The following USP34 variants were observed in gnomAD, a reference collection of about 807,000 sequenced individuals.
USP34 encodes the protein ubiquitin specific peptidase 34, also known as ubiquitin carboxyl-terminal hydrolase 34.
Under a neutral mutation model 460.3 loss-of-function variants are expected in USP34, and 70 were observed. The ratio of observed to expected loss-of-function variants is 0.15; its 90% CI spans 0.13 to 0.19. USP34 has a LOEUF of 0.19. Among genes scored for constraint, USP34 ranks in the 10% least tolerant of loss-of-function variants. The pLI, the probability that USP34 is intolerant of heterozygous loss-of-function variation, is 1.00. For missense variants in USP34, 3,985 were observed against 4,236.2 expected (o/e 0.94, Z 1.65); for synonymous variants, 1,647 against 1,405.3 (o/e 1.17, Z -3.85).
chr2:61,206,687 G>A, intron 71 of USP34, 73 bp downstream of exon 71: 1 of 1,548,860 alleles, frequency 6.5e-7, no homozygotes. Flanking sequence ...TTTCTCTGGG[G>A]CACATGATTT....
At chr2:61,324,173 A>C (rs1398883510) in intron 21 of USP34, among the ~76,000 whole-genome samples, 1 of 152,216 alleles carries the variant, frequency 6.6e-6, no homozygotes, top group African/African-American at 2.4e-5. Flanking sequence ...GATGACAGTC[A>C]GTATATGAAG....
intron 10 of USP34, among the ~76,000 whole-genome samples, chr2:61,355,744 C>T (rs1200204611): frequency 6.6e-6 from 1 of 152,022 alleles, no homozygotes; most frequent in African/African-American, 2.4e-5. Context: ...CAAAATAACA[C>T]AAGTTTGTCC....
At chr2:61,218,543 A>G (rs1222269271) in intron 67 of USP34, among the ~76,000 whole-genome samples, 1 of 150,916 alleles carries the variant, frequency 6.6e-6, no homozygotes, top group Non-Finnish European at 1.5e-5. Flanking sequence ...CAAACTCTCC[A>G]CTTTAGATTT....
At chr2:61,390,212 T>C (rs190445127) in intron 5 of USP34, among the ~76,000 whole-genome samples, 6 of 152,330 alleles carry the variant, frequency 3.9e-5, no homozygotes, top group Non-Finnish European at 7.4e-5. Flanking sequence ...CATAATAAAA[T>C]AAACCCCTTG....
chr2:61,468,353 T>C (rs1040791861), intron 1 of USP34, among the ~76,000 whole-genome samples: 9 of 152,284 alleles, frequency 5.9e-5, no homozygotes, highest in South Asian at 2.1e-4. Flanking sequence ...TCAGCTAATT[T>C]TGTATTTTGA....
At chr2:61,257,448 A>G in intron 44 of USP34, 98 bp from the exon 45 acceptor site, 1 of 961,944 alleles carries the variant, frequency 1.0e-6, no homozygotes, top group Non-Finnish European at 1.4e-6. Context: ...AACAGGTAGT[A>G]AATCTACTAA....
rs1572927553 is a variant in USP34, at chr2:61,315,604, A to T, written c.3283-630T>A. ...TGGCCAGGCTGGTCTCGAACTCCCA[A>T]CCTCAGCTGATCCACCCGCCTCAGC... On this transcript the variant is annotated intron_variant, in intron 23 of 79. Transcript: ENST00000398571. 3.3e-5 allele frequency among the ~76,000 whole-genome samples: 5 copies of T among 152,010 alleles called. No homozygotes were observed. The South Asian group carries it at 1.0e-3, about 32-fold the overall frequency.
intron 57 of USP34, among the ~76,000 whole-genome samples, chr2:61,233,585 G>A (rs1687977521): frequency 6.6e-6 from 1 of 152,088 alleles, no homozygotes; most frequent in Non-Finnish European, 1.5e-5. Context: ...CAGCACTCTG[G>A]GAGGCAGAGG....
At position 61,470,969 on chromosome 2, in the gene USP34, G is replaced by C. The variant is rs1410414905; in HGVS notation, c.-277C>G. On this transcript the variant is annotated 5_prime_UTR_variant, in exon 1 of 80. Coordinates refer to ENST00000398571, the MANE Select transcript of USP34 (RefSeq NM_014709.4). ...GCGGCGGGGAAGGGGGGGAAGGACG[G>C]GGGGAGGGGAGAGGGGGGGAGGGGG... Among the ~76,000 whole-genome samples, 3 of 141,430 alleles carry C rather than the reference G, an allele frequency of 2.1e-5. No homozygotes were observed. Among genetic ancestry groups the C allele is most frequent in the Non-Finnish European group, 3.2e-5 (2 of 63,288 alleles). 92.8% of individuals were successfully genotyped at this position (141,430 alleles called of 152,430 possible). A position where few individuals can be genotyped will look rare whatever the true frequency, so the allele number is the denominator to read the frequency against.
chr2:61,392,355 C>T (rs1039248991), intron 5 of USP34, among the ~76,000 whole-genome samples: 2 of 152,064 alleles, frequency 1.3e-5, no homozygotes, highest in Non-Finnish European at 1.5e-5. Flanking sequence ...GTGGCTCAAG[C>T]CTGCAAGCCT....
At chr2:61,302,209 G>A (rs764645977) in intron 27 of USP34, among the ~76,000 whole-genome samples, 19 of 152,128 alleles carry the variant, frequency 1.2e-4, no homozygotes, top group Non-Finnish European at 2.5e-4. Flanking sequence ...TAAAAATATT[G>A]CTAAACTTCA....
chr2:61,369,602 C>G (rs1692547063), intron 10 of USP34, among the ~76,000 whole-genome samples: 1 of 140,624 alleles, frequency 7.1e-6, no homozygotes, highest in Non-Finnish European at 1.5e-5. Flanking sequence ...AAGACTGCGC[C>G]ATGGCATTCC....
intron 33 of USP34, among the ~76,000 whole-genome samples, chr2:61,290,522 CA>C (rs1689818257): frequency 6.6e-6 from 1 of 152,060 alleles, no homozygotes; most frequent in Non-Finnish European, 1.5e-5. Context: ...TTAACAACCT[CA>C]AAAAGCATTC....
intron 5 of USP34, among the ~76,000 whole-genome samples, chr2:61,384,462 G>C (rs1035050572): frequency 4.6e-5 from 7 of 152,122 alleles, no homozygotes; most frequent in Non-Finnish European, 8.8e-5. Flanking sequence ...TTGAGGTCAG[G>C]AGTTCAAGAC....
chr2:61,242,458 T>TACATACACACACACACAC (rs374067567), intron 51 of USP34, among the ~76,000 whole-genome samples: 1 of 129,680 alleles, frequency 7.7e-6, no homozygotes, highest in African/African-American at 3.0e-5. Context: ...AGATAATACA[T>TACATACACACACACACAC]ACACACACAC....
intron 23 of USP34, 102 bp downstream of exon 23, chr2:61,317,552 G>T: frequency 2.0e-6 from 2 of 986,338 alleles, no homozygotes; most frequent in Non-Finnish European, 1.5e-6. Flanking sequence ...GCACTGCACA[G>T]GTAGTAAATT....
intron 69 of USP34, 32 bp from the exon 70 acceptor site, chr2:61,209,009 G>A (rs1240538065): frequency 7.0e-7 from 1 of 1,420,138 alleles, no homozygotes; most frequent in South Asian, 1.4e-5. Flanking sequence ...AGTTTGAGAA[G>A]TCTGAATAAG....
At chr2:61,351,893 C>G (rs1230004155) in intron 10 of USP34, among the ~76,000 whole-genome samples, 1 of 152,094 alleles carries the variant, frequency 6.6e-6, no homozygotes, top group Non-Finnish European at 1.5e-5. Context: ...ATTTTAAGGA[C>G]AAGTGAATAC....
intron 29 of USP34, 149 bp from the exon 30 acceptor site, chr2:61,297,074 A>G: frequency 9.4e-7 from 1 of 1,068,118 alleles, no homozygotes; most frequent in Non-Finnish European, 1.3e-6. Flanking sequence ...TTGTTATATG[A>G]TACATATTTG....
Sources: allele counts gnomAD v4.1 joint callset (sites outside exome capture counted in the v4.1 genomes callset), GRCh38; gene constraint gnomAD v4.1.1; transcripts MANE v1.5; gene names NCBI Gene and HGNC (gene_info 2026-07-23, HGNC 2026-07-21).